Variants in STPG1 observed in about 807,000 individuals in gnomAD.
The protein encoded by STPG1 is sperm tail PG-rich repeat containing 1.
STPG1 carries 33 observed loss-of-function variants against 40.1 expected under a neutral mutation model. The ratio of observed to expected loss-of-function variants is 0.82; its 90% CI spans 0.62 to 1.10. STPG1 has a LOEUF of 1.10. Ranked by LOEUF, STPG1 falls within the 50% of genes least tolerant of loss-of-function variation. The pLI, the probability that STPG1 is intolerant of heterozygous loss-of-function variation, is 0.00. For synonymous variants in STPG1, 150 were observed against 155.0 expected, an observed-to-expected ratio of 0.97 and a Z score of 0.24; for missense variants, 396 against 415.1, an observed-to-expected ratio of 0.95 and a Z score of 0.40.
intron 2 of STPG1, among the ~76,000 whole-genome samples, chr1:24,395,572 ACAGGCGC>A (rs1642963278): frequency 6.6e-6 from 1 of 151,454 alleles, no homozygotes; most frequent in Non-Finnish European, 1.5e-5. Context: ...AGCTGGGACT[ACAGGCGC>A]CCGCCACCGC....
chr1:24,371,293 C>T lies in STPG1; in HGVS notation c.572-1454G>A, dbSNP rs72880629. Among the ~76,000 whole-genome samples the T allele has an allele frequency of 2.9e-3, 434 of 152,144 alleles. 1 individual carries two copies. The highest frequency in any genetic ancestry group is 9.8e-3 in the African/African-American group (408 of 41,510). On this transcript the variant is annotated intron_variant, in intron 6 of 8. Transcript: ENST00000337248. Reference sequence around the variant, plus strand: ...AAGGATTTTTACTAACATGAAAAGACGTTCCCAGTATCAGCCGGGTACGGT... The same window carrying T: ...AAGGATTTTTACTAACATGAAAAGATGTTCCCAGTATCAGCCGGGTACGGT...
intron 7 of STPG1, among the ~76,000 whole-genome samples, chr1:24,366,001 G>A (rs188177304): frequency 3.3e-5 from 5 of 152,224 alleles, no homozygotes; most frequent in Non-Finnish European, 7.4e-5. Context: ...ATCCTCTCAC[G>A]GCTGGGCTTT....
intron 2 of STPG1, among the ~76,000 whole-genome samples, chr1:24,395,329 T>C (rs1642948706): frequency 1.3e-5 from 2 of 151,498 alleles, no homozygotes; most frequent in Admixed American, 1.3e-4. Context: ...AAGAAAATGA[T>C]ACCAGTAGGA....
chr1:24,385,360 A>C (rs1642461119), intron 3 of STPG1, among the ~76,000 whole-genome samples: 1 of 152,178 alleles, frequency 6.6e-6, no homozygotes, highest in African/African-American at 2.4e-5. Flanking sequence ...ACGGAAGAGG[A>C]ACTGACTGCC....
At chr1:24,413,372 C>G (rs7552018) in intron 1 of STPG1, among the ~76,000 whole-genome samples, 1,973 of 152,356 alleles carry the variant, frequency 0.013, 39 homozygotes, top group African/African-American at 0.043. Flanking sequence ...CTTTTGCGCA[C>G]TCGCGGAGCC....
At chr1:24,372,962 C>T (rs7536873) in intron 6 of STPG1, among the ~76,000 whole-genome samples, 33,498 of 152,016 alleles carry the variant, frequency 0.22, 4,099 homozygotes, top group East Asian at 0.45. Context: ...TCCCCAAGGC[C>T]GGCAGGGGAA....
intron 1 of STPG1, among the ~76,000 whole-genome samples, 164 bp from the exon 2 acceptor site, chr1:24,401,620 G>A (rs1348594006): frequency 6.6e-6 from 1 of 152,254 alleles, no homozygotes; most frequent in Non-Finnish European, 1.5e-5. Flanking sequence ...TGCTGGTGCT[G>A]CCTGCAGTAG....
chr1:24,383,103 G>C (rs1468516336), intron 4 of STPG1, among the ~76,000 whole-genome samples: 2 of 152,066 alleles, frequency 1.3e-5, no homozygotes, highest in Admixed American at 1.3e-4. Flanking sequence ...TGTAGAGATG[G>C]GGTCTCACTA....
intron 2 of STPG1, among the ~76,000 whole-genome samples, chr1:24,398,619 C>A (rs1266212983): frequency 1.3e-5 from 2 of 151,838 alleles, no homozygotes; most frequent in Admixed American, 6.6e-5. Context: ...CTGTGGACAC[C>A]CTATAAGAGG....
Position 24,359,591 on chromosome 1 carries a change from C to T in STPG1, c.929-972G>A, listed in dbSNP as rs530905064. Among the ~76,000 whole-genome samples the T allele has an allele frequency of 1.1e-4, 17 of 152,306 alleles. No homozygotes were observed. The highest frequency in any genetic ancestry group is 3.4e-4 in the African/African-American group (14 of 41,556). On this transcript the variant is annotated intron_variant, in intron 8 of 8. Transcript: ENST00000337248. The surrounding 1 kb of genome is among the most constrained non-coding windows in gnomAD (Gnocchi z 5.3). ...GTCTCACCTGTGAGTATGGAGCTGA[C>T]GGCATCTCCCCACCTGACTGTGGCC...
intron 2 of STPG1, among the ~76,000 whole-genome samples, chr1:24,397,437 A>G (rs1044986816): frequency 2.0e-5 from 3 of 152,110 alleles, no homozygotes; most frequent in African/African-American, 7.2e-5. Flanking sequence ...GGCAACCACT[A>G]CCTGATACCA....
chr1:24,386,197 C>T (rs112492630), intron 3 of STPG1, among the ~76,000 whole-genome samples: 2 of 152,324 alleles, frequency 1.3e-5, no homozygotes, highest in African/African-American at 2.4e-5. Context: ...AACAGAGTTG[C>T]CATTTATCTG....
Position 24,357,589 on chromosome 1 carries a change from C to T in STPG1, c.*954G>A, listed in dbSNP as rs1640806964. ...CTTCTCTGGAGAGGCCACAGTTGTA[C>T]AGGCCTTGGAGGCTTTGTAACCTCT... On this transcript the variant is annotated 3_prime_UTR_variant, in exon 9 of 9. Transcript: ENST00000337248. 6.3e-6 allele frequency: 1 copy of T among 159,100 alleles called. No homozygotes were observed. Among genetic ancestry groups the T allele is most frequent in the African/African-American group, 2.4e-5 (1 of 41,520 alleles). 9.9% of individuals were successfully genotyped at this position (159,100 alleles called of 1,614,324 possible). A position where few individuals can be genotyped will look rare whatever the true frequency, so the allele number is the denominator to read the frequency against.
At chr1:24,385,832 G>T (rs1642482169) in intron 3 of STPG1, among the ~76,000 whole-genome samples, 1 of 152,150 alleles carries the variant, frequency 6.6e-6, no homozygotes, top group African/African-American at 2.4e-5. Context: ...CACCTCTCTG[G>T]GCTTCCTTAT....
At chr1:24,362,739 C>G (rs1314016302) in intron 7 of STPG1, among the ~76,000 whole-genome samples, 1 of 152,172 alleles carries the variant, frequency 6.6e-6, no homozygotes, top group Non-Finnish European at 1.5e-5. Context: ...AGGGGACACC[C>G]CCCTGGTCAG....
At chr1:24,364,098 C>A in intron 7 of STPG1, 1 of 1,447,014 alleles carries the variant, frequency 6.9e-7, no homozygotes, top group Non-Finnish European at 9.1e-7. Context: ...CAACTCCATG[C>A]CTTTGTCCCT....
At position 24,357,384 on chromosome 1, in the gene STPG1, GCTGGAAGGTGGCGC is replaced by G. The variant is rs1640793187; in HGVS notation, c.*1145_*1158del. Reference sequence around the variant, plus strand: ...CTCCCCTCCCAGAGCCAGTTAGGAAGCTGGAAGGTGGCGCTTCTCAACCTACACCTATCATTGGA... The same window carrying G: ...CTCCCCTCCCAGAGCCAGTTAGGAAGTTCTCAACCTACACCTATCATTGGA... On this transcript the variant is annotated 3_prime_UTR_variant, in exon 9 of 9. Coordinates refer to ENST00000337248, the MANE Select transcript of STPG1 (RefSeq NM_001199013.2). The G allele has an allele frequency of 6.6e-5, 10 of 152,404 alleles. No homozygotes were observed. The highest frequency in any genetic ancestry group is 1.0e-4 in the Non-Finnish European group (7 of 68,190). The allele number at this position is 152,404 out of a possible 1,614,324, so 9.4% of individuals were successfully genotyped here. A position where few individuals can be genotyped will look rare whatever the true frequency, so the allele number is the denominator to read the frequency against.
In STPG1 at chr1:24,405,765, C is replaced by A. The variant is rs577896071; in HGVS notation, c.-68-4309G>T. 2.0e-4 allele frequency among the ~76,000 whole-genome samples: 30 copies of A among 152,146 alleles called. No homozygotes were observed. The South Asian group carries it at 6.0e-3, about 31-fold the overall frequency. On this transcript the variant is annotated intron_variant, in intron 1 of 8. Coordinates refer to ENST00000337248, the MANE Select transcript of STPG1 (RefSeq NM_001199013.2). ...TGGTGAATTGACCCCATTATCATTA[C>A]GAAATACCCTGCTTTAGCCCTGGTA...
intron 3 of STPG1, among the ~76,000 whole-genome samples, chr1:24,389,040 C>T (rs186480524): frequency 1.3e-5 from 2 of 152,248 alleles, no homozygotes; most frequent in Admixed American, 1.3e-4. Flanking sequence ...CTTACAAATG[C>T]TGAGATGAAA....
Sources: gnomAD v4.1 joint callset for allele counts (sites outside exome capture counted in the v4.1 genomes callset) on GRCh38, gnomAD v4.1.1 for gene constraint, Gnocchi (gnomAD v3.1) non-coding constraint, MANE v1.5 for transcripts, NCBI Gene and HGNC (gene_info 2026-07-23, HGNC 2026-07-21) for gene names.